Variants in GINS4 observed in about 807,000 individuals in gnomAD.
The protein encoded by GINS4 is GINS complex subunit 4, also known as DNA replication complex GINS protein SLD5.
Under a neutral mutation model 31.1 loss-of-function variants are expected in GINS4, and 20 were observed. That is an observed-to-expected ratio of 0.64 (90% CI 0.45 to 0.93). The LOEUF is 0.93. Among genes scored for constraint, GINS4 ranks in the 40% least tolerant of loss-of-function variants. The probability of loss-of-function intolerance (pLI) is 0.00; values close to 1 mark genes in which losing one functional copy is unlikely to be tolerated. For missense variants in GINS4, 245 were observed against 273.9 expected (o/e 0.89, Z 0.75); for synonymous variants, 85 against 97.9 (o/e 0.87, Z 0.78).
intron 4 of GINS4, among the ~76,000 whole-genome samples, chr8:41,539,401 AGTTT>A (rs1364144576): frequency 6.6e-6 from 1 of 151,352 alleles, no homozygotes; most frequent in East Asian, 1.9e-4. Flanking sequence ...ACTTCCCTAC[AGTTT>A]GACATCTACC....
At position 41,542,363 on chromosome 8, in the gene GINS4, G is replaced by T; in HGVS notation, c.*276G>T. 8.3e-6 allele frequency: 3 copies of T among 359,928 alleles called. No homozygotes were observed. The highest frequency in any genetic ancestry group is 1.0e-5 in the Non-Finnish European group (2 of 195,704). The allele number at this position is 359,928 out of a possible 1,614,324, so 22.3% of individuals were successfully genotyped here. A position where few individuals can be genotyped will look rare whatever the true frequency, so the allele number is the denominator to read the frequency against. On this transcript the variant is annotated 3_prime_UTR_variant, in exon 8 of 8. Transcript: ENST00000276533. ...CGTGCCATTGCACTCCAGCCTGGGTGACAGTGAGACTTTGTCTCAAAAAAA... is the reference window on the plus strand; with the variant it reads ...CGTGCCATTGCACTCCAGCCTGGGTTACAGTGAGACTTTGTCTCAAAAAAA...
rs149877964 is a variant in GINS4 at position 41,538,623 on chromosome 8, C to G, written c.298-1055C>G. Among the ~76,000 whole-genome samples, 1,200 of 152,248 alleles carry G rather than the reference C, an allele frequency of 7.9e-3. 6 individuals are homozygous for G. The highest frequency in any genetic ancestry group is 0.012 in the Non-Finnish European group (788 of 68,026). The stretch of plus-strand genomic sequence containing the variant: ...TTAAATTGGGCCATTTCCCTTGTCT[C>G]TGGATGCTGATCTTGTCACCTAATG... On this transcript the variant is annotated intron_variant, in intron 4 of 7. Coordinates refer to ENST00000276533, the MANE Select transcript of GINS4 (RefSeq NM_032336.3).
chr8:41,539,944 A>G lies in GINS4; in HGVS notation c.424A>G (p.Lys142Glu), dbSNP rs769121916. ...EFMANTESYL[K>E]NVALKHMPPN... ...CATGGCGAACACAGAGTCCTATCTG[A>G]AAAATGTCGCCTTGAAGCACATGCC... The change falls in exon 6 of 8, where the codon AAA becomes GAA. Residue 142 changes from lysine to glutamate, a missense_variant. Transcript: ENST00000276533. The G allele has an allele frequency of 5.6e-6, 9 of 1,613,940 alleles. No individual in the cohort carries two copies. The highest frequency in any genetic ancestry group is 7.6e-6 in the Non-Finnish European group (9 of 1,179,932).
Position 41,542,386 on chromosome 8 carries a change from A to C in GINS4, c.*299A>C, listed in dbSNP as rs1055590368. 3.1e-5 allele frequency: 12 copies of C among 390,748 alleles called. No homozygotes were observed. Among genetic ancestry groups the C allele is most frequent in the Admixed American group, 1.2e-4 (3 of 26,040 alleles). 24.2% of individuals were successfully genotyped at this position (390,748 alleles called of 1,614,324 possible). On this transcript the variant is annotated 3_prime_UTR_variant, in exon 8 of 8. Coordinates refer to ENST00000276533, the MANE Select transcript of GINS4 (RefSeq NM_032336.3). The stretch of plus-strand genomic sequence containing the variant: ...GTGACAGTGAGACTTTGTCTCAAAA[A>C]AAAAAACAAAAAACAAAAAAAAAAC...
At chr8:41,537,147 G>GT in intron 3 of GINS4, 33 bp from the exon 4 acceptor site, 2 of 1,463,576 alleles carry the variant, frequency 1.4e-6, no homozygotes, top group Non-Finnish European at 9.5e-7. Context: ...TGAACATCAT[G>GT]TTTTTTATAA....
Position 41,539,725 on chromosome 8 carries a change from T to A in GINS4, c.345T>A (p.Pro115=). ...TCCTTGAGAAGGAAAAAACACGTCC[T>A]GAGGGGGAGCCTTCCAGCCTCTCGC... ...PHVLEKEKTR[P]EGEPSSLSPE... is the part of the protein sequence containing the mutation. Residue 115 remains proline (P), a synonymous_variant, in exon 5 of 8, where the codon CCT becomes CCA. Coordinates refer to ENST00000276533, the MANE Select transcript of GINS4 (RefSeq NM_032336.3). 6.2e-7 allele frequency: 1 copy of A among 1,614,208 alleles called. No individual in the cohort carries two copies. The highest frequency in any genetic ancestry group is 8.5e-7 in the Non-Finnish European group (1 of 1,180,024).
rs1806807129 is a variant in GINS4, at chr8:41,539,897, T to G, written c.396-19T>G. 6.2e-7 allele frequency: 1 copy of G among 1,612,550 alleles called. No homozygotes were observed. Among genetic ancestry groups the G allele is most frequent in the Non-Finnish European group, 8.5e-7 (1 of 1,178,574 alleles). ...CATCAGCTGTGTACACCACAGCGAT[T>G]TGAATCCATGTCTTTCAGGTTCATG... On this transcript the variant is annotated intron_variant, in intron 5 of 7. Coordinates refer to ENST00000276533, the MANE Select transcript of GINS4 (RefSeq NM_032336.3).
intron 2 of GINS4, among the ~76,000 whole-genome samples, chr8:41,533,992 C>A (rs1308757485): frequency 2.0e-5 from 3 of 152,110 alleles, no homozygotes; most frequent in African/African-American, 7.2e-5. Flanking sequence ...TTAATCACTT[C>A]TTTAAAGACC....
intron 2 of GINS4, chr8:41,534,335 A>G: frequency 2.8e-6 from 1 of 354,852 alleles, no homozygotes; most frequent in South Asian, 2.2e-5. Flanking sequence ...TAAGCCTTGG[A>G]GGTCAAGAAT....
chr8:41,542,266 C>G lies in GINS4; in HGVS notation c.*179C>G, dbSNP rs375830072. 8 of 606,708 alleles carry G rather than the reference C, an allele frequency of 1.3e-5. No individual in the cohort carries two copies. In the East Asian group the frequency reaches 1.7e-4, roughly 13 times the overall value. 37.6% of individuals were successfully genotyped at this position (606,708 alleles called of 1,614,324 possible). A position where few individuals can be genotyped will look rare whatever the true frequency, so the allele number is the denominator to read the frequency against. On this transcript the variant is annotated 3_prime_UTR_variant, in exon 8 of 8. Transcript: ENST00000276533. ...GGTGTTGGTGGTGTGCACCTGTAATCCCAGCTACTCAGGAGGCCGGGGCAG... is the reference window on the plus strand; with the variant it reads ...GGTGTTGGTGGTGTGCACCTGTAATGCCAGCTACTCAGGAGGCCGGGGCAG...
chr8:41,540,140 C>T (rs1205629819), intron 6 of GINS4, 136 bp downstream of exon 6: 1 of 675,748 alleles, frequency 1.5e-6, no homozygotes. Flanking sequence ...AGGATTCTAG[C>T]TAAAAACCAA....
chr8:41,544,481 GCATACCCATCGC>G lies in GINS4; in HGVS notation c.*2396_*2407del, dbSNP rs1263465341. The G allele has an allele frequency of 6.6e-6, 1 of 152,184 alleles. No homozygotes were observed. The highest frequency in any genetic ancestry group is 1.5e-5 in the Non-Finnish European group (1 of 68,042). The allele number at this position is 152,184 out of a possible 1,614,324, so 9.4% of individuals were successfully genotyped here. A position where few individuals can be genotyped will look rare whatever the true frequency, so the allele number is the denominator to read the frequency against. ...CAGTGTGCTTCCTAAGCCTTAATGT[GCATACCCATCGC>G]CTGGAGCTCGCCTTAAGATGTAGGT... is the stretch of plus-strand genomic sequence containing the variant. On this transcript the variant is annotated 3_prime_UTR_variant, in exon 8 of 8. Transcript: ENST00000276533.
rs1806809904 is a variant in GINS4, at chr8:41,539,997, T to C, written c.477T>C (p.Phe159=). ...MPPNLQKVDL[F]RAVPKPDLDS... ...CTAACTTACAGAAGGTGGACCTCTT[T>C]CGGGCAGGTAAACAGGACGTTCTCC... The change falls in exon 6 of 8, where the codon TTT becomes TTC. Residue 159 remains phenylalanine, a synonymous_variant. Transcript: ENST00000276533. 1 of 1,613,314 alleles carries C rather than the reference T, an allele frequency of 6.2e-7. No homozygotes were observed. Among genetic ancestry groups the C allele is most frequent in the Non-Finnish European group, 8.5e-7 (1 of 1,179,358 alleles).
chr8:41,530,150 C>G, intron 1 of GINS4, 34 bp from the exon 2 acceptor site: 3 of 1,261,854 alleles, frequency 2.4e-6, no homozygotes, highest in Non-Finnish European at 3.5e-6. Context: ...TTAGAAAACG[C>G]ATTGCAGAGT....
chr8:41,537,442 G>A, intron 4 of GINS4, 149 bp downstream of exon 4: 3 of 591,108 alleles, frequency 5.1e-6, no homozygotes, highest in Non-Finnish European at 3.0e-6. Flanking sequence ...TAAACTGTAA[G>A]GAGAGCGAGA....
rs1360174636 is a variant in GINS4 at position 41,541,238 on chromosome 8, A to AT, written c.485-566dup. On this transcript the variant is annotated intron_variant, in intron 6 of 7. Coordinates refer to ENST00000276533, the MANE Select transcript of GINS4 (RefSeq NM_032336.3). Reference sequence around the variant, plus strand: ...GCATGTGCCACCATGCTTGGCTATTATTTTTAAAATTTTTTTGTGGAGACA... The same window carrying AT: ...GCATGTGCCACCATGCTTGGCTATTATTTTTTAAAATTTTTTTGTGGAGACA... 1.2e-4 allele frequency among the ~76,000 whole-genome samples: 18 copies of AT among 152,006 alleles called. No individual in the cohort carries two copies. The South Asian group carries it at 3.5e-3, about 30-fold the overall frequency.
At chr8:41,531,878 A>G (rs925919693) in intron 2 of GINS4, among the ~76,000 whole-genome samples, 13 of 152,070 alleles carry the variant, frequency 8.5e-5, no homozygotes, top group Non-Finnish European at 1.5e-4. Flanking sequence ...TGCAGCCTCC[A>G]CCTCCCAGGT....
chr8:41,536,368 G>A lies in GINS4; in HGVS notation c.105G>A (p.Met35Ile). Residue 35 changes from methionine to isoleucine, a missense_variant, in exon 3 of 8, where the codon ATG (methionine) becomes ATA (isoleucine). Met to Ile is a conservative substitution (Grantham distance 10). Transcript: ENST00000276533. ...ELIERLEQAW[M>I]NEKFAPELLE... ...TGGCATTTGTCTTTTAGGCCTGGAT[G>A]AATGAAAAGTTTGCCCCTGAGCTGC... 6.2e-7 allele frequency: 1 copy of A among 1,605,152 alleles called. No homozygotes were observed. The highest frequency in any genetic ancestry group is 8.5e-7 in the Non-Finnish European group (1 of 1,171,860).
Position 41,536,455 on chromosome 8 carries a change from C to T in GINS4, c.183+9C>T, listed in dbSNP as rs373345062. The T allele has an allele frequency of 1.4e-4, 221 of 1,567,366 alleles. No homozygotes were observed. In the African/African-American group the frequency reaches 2.1e-3, roughly 15 times the overall value. On this transcript the variant is annotated intron_variant, in intron 3 of 7. Transcript: ENST00000276533. Reference sequence around the variant, plus strand: ...AACAGCTGGAGCACATGGTAAGAGTCGCTTGTCTTGGGTTGACAAAGGAGG... The same window carrying T: ...AACAGCTGGAGCACATGGTAAGAGTTGCTTGTCTTGGGTTGACAAAGGAGG...
Sources: gnomAD v4.1 joint callset for allele counts (sites outside exome capture counted in the v4.1 genomes callset) on GRCh38, gnomAD v4.1.1 for gene constraint, MANE v1.5 for transcripts, NCBI Gene and HGNC (gene_info 2026-07-23, HGNC 2026-07-21) for gene names.